Variants in MAP3K11 observed in about 807,000 individuals in gnomAD.
MAP3K11 encodes the protein SH3 domain-containing proline-rich kinase.
A neutral mutation model predicts 84.9 loss-of-function variants in MAP3K11; 46 were observed. That is an observed-to-expected ratio of 0.54 (90% CI 0.43 to 0.69). The LOEUF is 0.69. MAP3K11 is among the 30% of genes least tolerant of loss of function. The pLI, the probability that MAP3K11 is intolerant of heterozygous loss-of-function variation, is 0.00. For synonymous variants in MAP3K11, 527 were observed against 514.7 expected, an observed-to-expected ratio of 1.02 and a Z score of -0.32; for missense variants, 1,053 against 1,198.3, an observed-to-expected ratio of 0.88 and a Z score of 1.79.
Position 65,613,996 on chromosome 11 carries a change from C to G in MAP3K11, c.-240G>C. On this transcript the variant is annotated 5_prime_UTR_variant, in exon 1 of 10. Coordinates refer to ENST00000309100, the MANE Select transcript of MAP3K11 (RefSeq NM_002419.4). Reference sequence around the variant, plus strand: ...GGCCGGGGGGGTGGGGCCCCGGGGCCTCCGGCGCCTCACCATGGCTAGCTT... The same window carrying G: ...GGCCGGGGGGGTGGGGCCCCGGGGCGTCCGGCGCCTCACCATGGCTAGCTT... 2 of 522,758 alleles carry G rather than the reference C, an allele frequency of 3.8e-6. No homozygotes were observed. Among genetic ancestry groups the G allele is most frequent in the South Asian group, 2.8e-5 (1 of 35,384 alleles). The allele number at this position is 522,758 out of a possible 1,614,324, so 32.4% of individuals were successfully genotyped here.
At chr11:65,600,129 A>C (rs1854440078) in intron 8 of MAP3K11, among the ~76,000 whole-genome samples, 1 of 152,124 alleles carries the variant, frequency 6.6e-6, no homozygotes, top group Non-Finnish European at 1.5e-5. Flanking sequence ...GGCAGGTCCC[A>C]CTGACTGGGA....
intron 8 of MAP3K11, 187 bp downstream of exon 8, chr11:65,605,574 G>A (rs752006388): frequency 3.9e-5 from 21 of 535,610 alleles, no homozygotes; most frequent in East Asian, 1.0e-4. Flanking sequence ...CCGCTTGATC[G>A]TGGGCCTGTA....
At chr11:65,604,232 A>G (rs1394857769) in intron 8 of MAP3K11, among the ~76,000 whole-genome samples, 1 of 152,274 alleles carries the variant, frequency 6.6e-6, no homozygotes, top group Admixed American at 6.5e-5. Flanking sequence ...CTTGAGAACG[A>G]TGGGGCCCAG....
Position 65,607,762 on chromosome 11 carries a change from T to A in MAP3K11, c.1124A>T (p.Gln375Leu). 1 of 1,613,478 alleles carries A rather than the reference T, an allele frequency of 6.2e-7. No individual in the cohort carries two copies. Among genetic ancestry groups the A allele is most frequent in the Non-Finnish European group, 8.5e-7 (1 of 1,179,790 alleles). The change falls in exon 4 of 10, where the codon CAG becomes CTG. Residue 375 changes from glutamine (Q) to leucine (L), a missense_variant. By Grantham distance (113) the Gln-to-Leu change is moderately radical (BLOSUM62 -2). This residue lies in a region of MAP3K11 where 310 missense variants were observed against 464.5 expected (regional missense o/e 0.67). Coordinates refer to ENST00000309100, the MANE Select transcript of MAP3K11 (RefSeq NM_002419.4). ...GACCTGTGCCTCCAGCGCCTCCAAC[T>A]GCTGCAGGATGGAGGCGAAGTCGGG... is the stretch of plus-strand genomic sequence containing the variant. The part of the protein sequence containing the change: ...RRPDFASILQ[Q>L]LEALEAQVLR...
rs777275564 is a variant in MAP3K11 at position 65,599,689 on chromosome 11, C to T, written c.1911G>A (p.Thr637=). 98 of 1,565,958 alleles carry T rather than the reference C, an allele frequency of 6.3e-5. No homozygotes were observed. Among genetic ancestry groups the T allele is most frequent in the Non-Finnish European group, 7.7e-5 (89 of 1,162,758 alleles). Reference sequence around the variant, plus strand: ...GCAGCGCCCGCTGGATCAGCTTGGGCGTCCCAGAGCTGCTACCGCGCTCTG... The same window carrying T: ...GCAGCGCCCGCTGGATCAGCTTGGGTGTCCCAGAGCTGCTACCGCGCTCTG... ...VPAERGSSSG[T]PKLIQRALLR... Residue 637 remains threonine, a synonymous_variant, in exon 9 of 10, where the codon ACG becomes ACA. Coordinates refer to ENST00000309100, the MANE Select transcript of MAP3K11 (RefSeq NM_002419.4).
Position 65,607,443 on chromosome 11 carries a change from C to T in MAP3K11, c.1316G>A (p.Arg439Gln), listed in dbSNP as rs1854524499. ...REQRSQAEQL[R>Q]RREHLLAQWE... ...CTGGGCCAGCAGGTGCTCGCGCCGC[C>T]GCAGCTGCTCCGCCTGTGACCGCTG... The change falls in exon 5 of 10, where the codon CGG becomes CAG. Residue 439 changes from arginine to glutamine, a missense_variant. Arg to Gln is a conservative substitution (Grantham distance 43, BLOSUM62 1). Around this residue, in one of 3 missense-constraint regions of MAP3K11, gnomAD observed 310 missense variants for 464.5 expected, o/e 0.67. Coordinates refer to ENST00000309100, the MANE Select transcript of MAP3K11 (RefSeq NM_002419.4). 1 of 1,519,296 alleles carries T rather than the reference C, an allele frequency of 6.6e-7. No individual in the cohort carries two copies. Among genetic ancestry groups the T allele is most frequent in the Non-Finnish European group, 8.7e-7 (1 of 1,143,716 alleles). 94.1% of individuals were successfully genotyped at this position (1,519,296 alleles called of 1,614,324 possible).
intron 5 of MAP3K11, 182 bp from the exon 6 acceptor site, chr11:65,606,986 C>T: frequency 1.7e-6 from 1 of 578,258 alleles, no homozygotes; most frequent in Non-Finnish European, 2.9e-6. Context: ...AGCTACTCGT[C>T]TGAGTCGGAG....
rs181713682 is a variant in MAP3K11 at position 65,600,496 on chromosome 11, C to T, written c.1832-728G>A. Among the ~76,000 whole-genome samples, 5 of 152,310 alleles carry T rather than the reference C, an allele frequency of 3.3e-5. No individual in the cohort carries two copies. The East Asian group carries it at 9.6e-4, about 29-fold the overall frequency. ...ACAGCCAGTGAAAGGTGGAGCCGGC[C>T]TCACCCCAGGCAAGGGCAGTAGAAC... On this transcript the variant is annotated intron_variant, in intron 8 of 9. Transcript: ENST00000309100.
rs1342710813 is a variant in MAP3K11 at position 65,613,604 on chromosome 11, G to C, written c.153C>G (p.Asp51Glu). ...GCTCATCCTGCCCACTGGGCTCGTAGTCGAACAGGGCTGTCCACACCGGGT... is the reference window on the plus strand; with the variant it reads ...GCTCATCCTGCCCACTGGGCTCGTACTCGAACAGGGCTGTCCACACCGGGT... ...YANPVWTALFDYEPSGQDELA... is the reference protein window; with the variant it reads ...YANPVWTALFEYEPSGQDELA... Residue 51 changes from aspartate to glutamate, a missense_variant, in exon 1 of 10, where the codon GAC becomes GAG. Asp to Glu is a conservative substitution (Grantham distance 45). Coordinates refer to ENST00000309100, the MANE Select transcript of MAP3K11 (RefSeq NM_002419.4). The C allele has an allele frequency of 6.2e-7, 1 of 1,613,136 alleles. No individual in the cohort carries two copies. Among genetic ancestry groups the C allele is most frequent in the East Asian group, 2.2e-5 (1 of 44,882 alleles).
At position 65,599,416 on chromosome 11, in the gene MAP3K11, G is replaced by A. The variant is rs755382962; in HGVS notation, c.2184C>T (p.Pro728=). ...CACCGCGGGGCTCCTCCTCACGTCG[G>A]GGGCTCTTGGCTGACCGCTGGCCCA... is the stretch of plus-strand genomic sequence containing the variant. ...IPVGQRSAKS[P]RREEEPRGGT... Residue 728 remains proline (P), a synonymous_variant, in exon 9 of 10, where the codon CCC becomes CCT. Transcript: ENST00000309100. 1.3e-6 allele frequency: 2 copies of A among 1,531,578 alleles called. No individual in the cohort carries two copies. Among genetic ancestry groups the A allele is most frequent in the Admixed American group, 2.5e-5 (1 of 40,618 alleles). The allele number at this position is 1,531,578 out of a possible 1,614,324, so 94.9% of individuals were successfully genotyped here. A position where few individuals can be genotyped will look rare whatever the true frequency, so the allele number is the denominator to read the frequency against.
Position 65,608,796 on chromosome 11 carries a change from A to T in MAP3K11, c.740-348T>A, listed in dbSNP as rs1023592031. On this transcript the variant is annotated intron_variant, in intron 1 of 9. Coordinates refer to ENST00000309100, the MANE Select transcript of MAP3K11 (RefSeq NM_002419.4). ...CACGCCCGACTAATTTTGCATTTTT[A>T]GTAGAGACAGGGTTTCTCCATGTTG... 2.7e-5 allele frequency: 6 copies of T among 218,512 alleles called. No homozygotes were observed. The Admixed American group carries it at 3.2e-4, about 12-fold the overall frequency. The allele number at this position is 218,512 out of a possible 1,614,324, so 13.5% of individuals were successfully genotyped here. A position where few individuals can be genotyped will look rare whatever the true frequency, so the allele number is the denominator to read the frequency against.
chr11:65,610,572 T>C (rs1181989494), intron 1 of MAP3K11: 1 of 152,266 alleles, frequency 6.6e-6, no homozygotes, highest in Admixed American at 6.5e-5. Flanking sequence ...GACGACAAGC[T>C]CATTCCAAAG....
In MAP3K11 at chr11:65,599,713, T is replaced by C; in HGVS notation, c.1887A>G (p.Ala629=). Residue 629 remains alanine, a synonymous_variant, in exon 9 of 10, where the codon GCA becomes GCG. Coordinates refer to ENST00000309100, the MANE Select transcript of MAP3K11 (RefSeq NM_002419.4). ...EPEEPKRPVP[A]ERGSSSGTPK... The stretch of plus-strand genomic sequence containing the variant: ...GCGTCCCAGAGCTGCTACCGCGCTC[T>C]GCGGGGACAGGCCTCTTGGGCTCCT... The C allele has an allele frequency of 6.3e-7, 1 of 1,584,764 alleles. No homozygotes were observed. Among genetic ancestry groups the C allele is most frequent in the South Asian group, 1.1e-5 (1 of 88,146 alleles).
intron 2 of MAP3K11, 48 bp from the exon 3 acceptor site, chr11:65,608,118 C>T (rs977604662): frequency 6.2e-7 from 1 of 1,603,128 alleles, no homozygotes; most frequent in Non-Finnish European, 8.5e-7. Context: ...TCCCAACCCC[C>T]ACCCCCTTAC....
At chr11:65,607,153 T>C (rs1394556575) in intron 5 of MAP3K11, 117 bp downstream of exon 5, 2 of 1,312,440 alleles carry the variant, frequency 1.5e-6, no homozygotes, top group East Asian at 6.2e-5. Context: ...CCAGCCTTCA[T>C]CTCACGGGCC....
intron 8 of MAP3K11, among the ~76,000 whole-genome samples, chr11:65,601,033 G>A (rs1364997069): frequency 1.3e-5 from 2 of 152,168 alleles, no homozygotes; most frequent in South Asian, 4.1e-4. Flanking sequence ...GTTAAAGACA[G>A]GTCTCTGCTT....
At chr11:65,609,103 C>T (rs1854544553) in intron 1 of MAP3K11, 1 of 152,242 alleles carries the variant, frequency 6.6e-6, no homozygotes, top group Non-Finnish European at 1.5e-5. Flanking sequence ...TAATATTACA[C>T]TGAAGCAAAA....
At chr11:65,598,726 C>T in intron 9 of MAP3K11, 98 bp from the exon 10 acceptor site, 1 of 850,722 alleles carries the variant, frequency 1.2e-6, no homozygotes, top group Middle Eastern at 2.4e-4. Flanking sequence ...CCCATGTGCA[C>T]AGTGACCTAC....
chr11:65,607,281 C>A lies in MAP3K11; in HGVS notation c.1478G>T (p.Ser493Ile). ...LRARDGGERISMPLDFKHRIT... is the reference protein window; with the variant it reads ...LRARDGGERIIMPLDFKHRIT... Reference sequence around the variant, plus strand: ...GGCCCGGCCCTCACCGAGTGGCATGCTGATACGCTCGCCGCCGTCGCGCGC... The same window carrying A: ...GGCCCGGCCCTCACCGAGTGGCATGATGATACGCTCGCCGCCGTCGCGCGC... Residue 493 changes from serine to isoleucine, a missense_variant, in exon 5 of 10, where the codon AGC becomes ATC. Coordinates refer to ENST00000309100, the MANE Select transcript of MAP3K11 (RefSeq NM_002419.4). The A allele has an allele frequency of 6.6e-7, 1 of 1,520,508 alleles. No homozygotes were observed. The highest frequency in any genetic ancestry group is 8.7e-7 in the Non-Finnish European group (1 of 1,143,218). 94.2% of individuals were successfully genotyped at this position (1,520,508 alleles called of 1,614,324 possible).
Sources: gnomAD v4.1 joint callset for allele counts (sites outside exome capture counted in the v4.1 genomes callset) on GRCh38, gnomAD v4.1.1 for gene constraint, gnomAD v4.1.1 regional missense constraint, MANE v1.5 for transcripts, NCBI Gene and HGNC (gene_info 2026-07-23, HGNC 2026-07-21) for gene names.